The following MRPS5 variants were observed in gnomAD, a reference collection of about 807,000 sequenced individuals.
MRPS5 encodes the protein small ribosomal subunit protein uS5m.
Under a neutral mutation model 51.9 loss-of-function variants are expected in MRPS5, and 27 were observed. The ratio of observed to expected loss-of-function variants is 0.52; its 90% CI spans 0.38 to 0.72. The LOEUF (loss-of-function observed/expected upper bound fraction) is 0.72. Among genes scored for constraint, MRPS5 ranks in the 30% least tolerant of loss-of-function variants. MRPS5 has a pLI of 0.00. For missense variants in MRPS5, 570 were observed against 545.7 expected (o/e 1.04, Z -0.44); for synonymous variants, 196 against 193.2 (o/e 1.01, Z -0.12).
intron 2 of MRPS5, among the ~76,000 whole-genome samples, chr2:95,116,302 AT>A (rs1362877681): frequency 4.0e-5 from 6 of 151,718 alleles, no homozygotes; most frequent in Non-Finnish European, 8.8e-5. Flanking sequence ...ATTAAATAAG[AT>A]ATTTAATCTT....
chr2:95,096,711 G>A (rs1433338063), intron 10 of MRPS5, among the ~76,000 whole-genome samples: 1 of 152,118 alleles, frequency 6.6e-6, no homozygotes, highest in Non-Finnish European at 1.5e-5. Context: ...AGCTATTTAT[G>A]ACAAACCCAC....
At chr2:95,112,472 T>G (rs866184368) in intron 3 of MRPS5, among the ~76,000 whole-genome samples, 5 of 152,210 alleles carry the variant, frequency 3.3e-5, no homozygotes, top group Non-Finnish European at 5.9e-5. Context: ...TAACACAGAT[T>G]GCTAATTTGA....
Position 95,090,376 on chromosome 2 carries a change from A to G in MRPS5, c.1068+10T>C. The G allele has an allele frequency of 6.2e-7, 1 of 1,612,606 alleles. No homozygotes were observed. The highest frequency in any genetic ancestry group is 1.1e-5 in the South Asian group (1 of 90,986). On this transcript the variant is annotated intron_variant, in intron 11 of 11. Transcript: ENST00000272418. ...TAGAACCTCTGTTTCAGACCCCGGG[A>G]AAGGATTACCTGTCTGGAGAGCCCA... is the stretch of plus-strand genomic sequence containing the variant.
chr2:95,110,003 T>G lies in MRPS5; in HGVS notation c.316A>C (p.Thr106Pro). The G allele has an allele frequency of 6.2e-7, 1 of 1,614,122 alleles. No homozygotes were observed. Among genetic ancestry groups the G allele is most frequent in the Non-Finnish European group, 8.5e-7 (1 of 1,180,002 alleles). The change falls in exon 4 of 12, where the codon ACT (threonine) becomes CCT (proline). Residue 106 changes from threonine (T) to proline (P), a missense_variant. By Grantham distance (38) the Thr-to-Pro change is conservative. Transcript: ENST00000272418. ...DELWKGALAETGAGAKKGRGK... is the reference protein window; with the variant it reads ...DELWKGALAEPGAGAKKGRGK... Reference sequence around the variant, plus strand: ...CTTCCTTTTTTTGCTCCAGCACCAGTCTCTGCTAAAGCGCCTTTCCACAGC... The same window carrying G: ...CTTCCTTTTTTTGCTCCAGCACCAGGCTCTGCTAAAGCGCCTTTCCACAGC...
At position 95,087,493 on chromosome 2, in the gene MRPS5, G is replaced by T. The variant is rs200747313; in HGVS notation, c.1157C>A (p.Ser386Tyr). ...ATCCTTCCTCAAGGGCCCCCGGGGG[G>T]ACGCAACCACAATGGGCAGAGGGCC... ...ECGPLPIVVA[S>Y]PRGPLRKDPE... The change falls in exon 12 of 12, where the codon TCC becomes TAC. Residue 386 changes from serine to tyrosine, a missense_variant. Transcript: ENST00000272418. The T allele has an allele frequency of 6.2e-7, 1 of 1,614,012 alleles. No homozygotes were observed. Among genetic ancestry groups the T allele is most frequent in the Non-Finnish European group, 8.5e-7 (1 of 1,180,036 alleles).
At position 95,090,127 on chromosome 2, in the gene MRPS5, G is replaced by A. The variant is rs371236624; in HGVS notation, c.1068+259C>T. Among the ~76,000 whole-genome samples the A allele has an allele frequency of 6.2e-3, 917 of 147,592 alleles. 7 individuals are homozygous for A. Among genetic ancestry groups the A allele is most frequent in the African/African-American group, 0.022 (863 of 39,746 alleles). ...GGGAGGCGGAGCTTGCAGTGAGCCGGGATCCCGCCACTGCACTCCAGCCTG... is the reference window on the plus strand; with the variant it reads ...GGGAGGCGGAGCTTGCAGTGAGCCGAGATCCCGCCACTGCACTCCAGCCTG... On this transcript the variant is annotated intron_variant, in intron 11 of 11. Coordinates refer to ENST00000272418, the MANE Select transcript of MRPS5 (RefSeq NM_031902.5).
intron 1 of MRPS5, among the ~76,000 whole-genome samples, chr2:95,121,318 A>C (rs1475168341): frequency 6.6e-6 from 1 of 152,186 alleles, no homozygotes; most frequent in East Asian, 1.9e-4. Context: ...AGTAAAATTG[A>C]GCAAACAGAA....
intron 3 of MRPS5, 152 bp downstream of exon 3, chr2:95,114,914 C>G: frequency 1.4e-6 from 1 of 721,102 alleles, no homozygotes; most frequent in Non-Finnish European, 2.0e-6. Flanking sequence ...TGAGATAATT[C>G]TAGGATGTAC....
At chr2:95,102,264 C>A (rs1281001165) in intron 7 of MRPS5, among the ~76,000 whole-genome samples, 1 of 152,012 alleles carries the variant, frequency 6.6e-6, no homozygotes, top group Non-Finnish European at 1.5e-5. Context: ...AGGTTAGATG[C>A]TGCCTTTTAA....
intron 4 of MRPS5, among the ~76,000 whole-genome samples, chr2:95,108,929 C>T (rs994524805): frequency 4.6e-5 from 7 of 151,558 alleles, no homozygotes; most frequent in African/African-American, 1.7e-4. Context: ...AAATTAATAA[C>T]AATTTAATAC....
intron 11 of MRPS5, among the ~76,000 whole-genome samples, chr2:95,089,402 A>C (rs1675392062): frequency 6.6e-6 from 1 of 152,192 alleles, no homozygotes. Flanking sequence ...AATGGAGCCT[A>C]TTGAACCTGG....
intron 1 of MRPS5, among the ~76,000 whole-genome samples, chr2:95,119,490 T>C (rs1364623697): frequency 2.6e-5 from 4 of 151,886 alleles, no homozygotes; most frequent in East Asian, 1.9e-4. Flanking sequence ...AACACATCTG[T>C]AGTTCCAACT....
rs150829989 is a variant in MRPS5, at chr2:95,101,696, C to T, written c.791G>A (p.Arg264Gln). The T allele has an allele frequency of 1.6e-4, 254 of 1,599,410 alleles. No homozygotes were observed. Among genetic ancestry groups the T allele is most frequent in the Non-Finnish European group, 1.9e-4 (221 of 1,176,368 alleles). The change falls in exon 8 of 12, where the codon CGG becomes CAG. Residue 264 changes from arginine (R) to glutamine (Q), a missense_variant. Coordinates refer to ENST00000272418, the MANE Select transcript of MRPS5 (RefSeq NM_031902.5). ...ACATACTTTCCTGAAAGCATCCATCCGATCAGTAGCTTTCCCAATAGAAAA... is the reference window on the plus strand; with the variant it reads ...ACATACTTTCCTGAAAGCATCCATCTGATCAGTAGCTTTCCCAATAGAAAA... ...AGFSIGKATD[R>Q]MDAFRKAKNR...
intron 10 of MRPS5, chr2:95,091,002 C>T (rs992254694): frequency 1.3e-5 from 2 of 154,494 alleles, no homozygotes; most frequent in Admixed American, 6.4e-5. Context: ...CCTTGCTGGC[C>T]TCTAAATCTT....
intron 10 of MRPS5, among the ~76,000 whole-genome samples, chr2:95,099,285 A>G (rs1239227284): frequency 6.6e-6 from 1 of 152,112 alleles, no homozygotes; most frequent in Non-Finnish European, 1.5e-5. Flanking sequence ...TGAGATATAA[A>G]TGTATCTAAA....
At position 95,100,877 on chromosome 2, in the gene MRPS5, A is replaced by G. The variant is rs113198616; in HGVS notation, c.828T>C (p.Val276=). ...DAFRKAKNRA[V]HHLHYIERYE... ...ATCGTTCTATATAATGCAAATGGTG[A>G]ACTGCTCTGTTCTTTGCCTGAAAGG... is the stretch of plus-strand genomic sequence containing the variant. Residue 276 remains valine (V), a synonymous_variant, in exon 9 of 12, where the codon GTT becomes GTC. Coordinates refer to ENST00000272418, the MANE Select transcript of MRPS5 (RefSeq NM_031902.5). The G allele has an allele frequency of 0.01, 16,598 of 1,609,266 alleles. 121 individuals carry two copies. Among genetic ancestry groups the G allele is most frequent in the Non-Finnish European group, 0.013 (14,781 of 1,178,510 alleles).
intron 3 of MRPS5, among the ~76,000 whole-genome samples, chr2:95,111,826 T>G (rs545935984): frequency 2.6e-5 from 4 of 152,200 alleles, no homozygotes; most frequent in African/African-American, 9.6e-5. Context: ...AATATTACAT[T>G]GTGAGTCTTT....
At chr2:95,116,742 T>C (rs1228507228) in intron 2 of MRPS5, among the ~76,000 whole-genome samples, 3 of 152,218 alleles carry the variant, frequency 2.0e-5, no homozygotes, top group African/African-American at 4.8e-5. Flanking sequence ...GTCAAAGACA[T>C]GCAGAGTCCT....
chr2:95,090,610 T>C, intron 10 of MRPS5, 88 bp from the exon 11 acceptor site: 1 of 1,506,438 alleles, frequency 6.6e-7, no homozygotes, highest in Non-Finnish European at 9.1e-7. Context: ...CTTCAGGCTC[T>C]GGGCTTCGGG....
Sources: allele counts gnomAD v4.1 joint callset (sites outside exome capture counted in the v4.1 genomes callset), GRCh38; gene constraint gnomAD v4.1.1; transcripts MANE v1.5; gene names NCBI Gene and HGNC (gene_info 2026-07-23, HGNC 2026-07-21).